The following TNIK variants were observed in gnomAD, a reference collection of about 807,000 sequenced individuals.
TNIK encodes TRAF2 and NCK-interacting protein kinase.
A neutral mutation model predicts 191.3 loss-of-function variants in TNIK; 49 were observed. The ratio of observed to expected loss-of-function variants is 0.26; its 90% CI spans 0.20 to 0.32. The LOEUF (loss-of-function observed/expected upper bound fraction) is 0.32. TNIK is among the 10% of genes least tolerant of loss of function. The pLI is 1.00. For synonymous variants in TNIK, 594 were observed against 600.9 expected (o/e 0.99, Z 0.17); for missense variants, 1,155 against 1,702.3 (o/e 0.68, Z 5.66).
At chr3:171,109,857 ATATT>A (rs1461711656) in intron 19 of TNIK, among the ~76,000 whole-genome samples, 1 of 152,182 alleles carries the variant, frequency 6.6e-6, no homozygotes, top group Non-Finnish European at 1.5e-5. Flanking sequence ...TTTGAATTAA[ATATT>A]TAGAGAGGCT....
chr3:171,113,954 G>A (rs115424747), intron 18 of TNIK, among the ~76,000 whole-genome samples: 2,673 of 145,528 alleles, frequency 0.018, 35 homozygotes, highest in Non-Finnish European at 0.029. Context: ...AGACATCTAA[G>A]CAGTGGTGCT....
At chr3:171,095,849 A>G (rs1431032141) in intron 22 of TNIK, among the ~76,000 whole-genome samples, 1 of 152,158 alleles carries the variant, frequency 6.6e-6, no homozygotes, top group East Asian at 1.9e-4. Flanking sequence ...CCAAAGAGGC[A>G]TTTTCATTTT....
intron 2 of TNIK, among the ~76,000 whole-genome samples, chr3:171,228,853 C>T (rs913000943): frequency 2.0e-5 from 3 of 152,132 alleles, no homozygotes; most frequent in Non-Finnish European, 2.9e-5. Context: ...GAGTAGGGAG[C>T]GCCAAGGGGG....
chr3:171,249,449 C>G (rs73171560), intron 2 of TNIK, among the ~76,000 whole-genome samples: 3,865 of 152,234 alleles, frequency 0.025, 83 homozygotes, highest in Middle Eastern at 0.037. Context: ...GACAGAGTGG[C>G]CTGCTGCCAA....
chr3:171,309,309 C>T (rs1007918631), intron 2 of TNIK, among the ~76,000 whole-genome samples: 1 of 152,032 alleles, frequency 6.6e-6, no homozygotes, highest in African/African-American at 2.4e-5. Context: ...AAAAGACAGC[C>T]AAATACTGTA....
At chr3:171,375,977 G>A (rs1230642382) in intron 1 of TNIK, among the ~76,000 whole-genome samples, 1 of 152,142 alleles carries the variant, frequency 6.6e-6, no homozygotes, top group African/African-American at 2.4e-5. Flanking sequence ...ACGGATGGCT[G>A]ATAGTGCTCC....
At chr3:171,248,106 T>C (rs536433188) in intron 2 of TNIK, among the ~76,000 whole-genome samples, 7 of 152,090 alleles carry the variant, frequency 4.6e-5, no homozygotes, top group East Asian at 1.9e-4. Flanking sequence ...AAGGTAAGAA[T>C]GTGGGAAGAA....
chr3:171,093,770 G>C, intron 23 of TNIK, 69 bp downstream of exon 23: 3 of 1,585,078 alleles, frequency 1.9e-6, no homozygotes, highest in Non-Finnish European at 2.6e-6. Flanking sequence ...GGCATTCTCT[G>C]TGAAAGCTTT....
intron 2 of TNIK, among the ~76,000 whole-genome samples, chr3:171,315,879 G>A (rs72622532): frequency 0.097 from 14,754 of 152,052 alleles, 1,003 homozygotes; most frequent in East Asian, 0.36. Context: ...CATCTGCAGA[G>A]ACCCTATTTC....
intron 1 of TNIK, among the ~76,000 whole-genome samples, chr3:171,428,392 C>T (rs1235287848): frequency 6.6e-6 from 1 of 152,144 alleles, no homozygotes; most frequent in Non-Finnish European, 1.5e-5. Context: ...AAAAATGGAG[C>T]AGCTCTGTAT....
chr3:171,173,390 C>A (rs1193806550), intron 9 of TNIK, among the ~76,000 whole-genome samples: 7 of 110,268 alleles, frequency 6.3e-5, no homozygotes, highest in Non-Finnish European at 1.3e-4. Context: ...AGCGAGACTC[C>A]GTCTCAAAAA....
intron 2 of TNIK, among the ~76,000 whole-genome samples, chr3:171,259,150 A>G (rs753069793): frequency 6.6e-6 from 1 of 152,180 alleles, no homozygotes; most frequent in East Asian, 1.9e-4. Flanking sequence ...GTGTGTGTGT[A>G]TATGGCACAT....
chr3:171,176,188 T>C (rs1020266067), intron 8 of TNIK, among the ~76,000 whole-genome samples: 1 of 152,178 alleles, frequency 6.6e-6, no homozygotes, highest in African/African-American at 2.4e-5. Flanking sequence ...AGAATGATAA[T>C]ATGGTTTAAG....
intron 2 of TNIK, among the ~76,000 whole-genome samples, chr3:171,271,297 A>G (rs1175602874): frequency 6.6e-6 from 1 of 152,266 alleles, no homozygotes; most frequent in Non-Finnish European, 1.5e-5. Context: ...CTTTTTAAAA[A>G]GAAAATAGTA....
intron 2 of TNIK, among the ~76,000 whole-genome samples, chr3:171,308,132 AAAGAAGCAAGC>A (rs1753654531): frequency 6.6e-6 from 1 of 152,180 alleles, no homozygotes; most frequent in Non-Finnish European, 1.5e-5. Flanking sequence ...ATCCTAGGAA[AAAGAAGCAAGC>A]AAGAAGCATC....
intron 9 of TNIK, among the ~76,000 whole-genome samples, chr3:171,174,618 T>C (rs1735746588): frequency 1.4e-5 from 1 of 72,728 alleles, no homozygotes; most frequent in Non-Finnish European, 2.3e-5. Context: ...CCTATCAACA[T>C]AATTTTTGCC....
chr3:171,261,594 G>C lies in TNIK; in HGVS notation c.124-33373C>G, dbSNP rs567388738. On this transcript the variant is annotated intron_variant, in intron 2 of 32. Coordinates refer to ENST00000436636, the MANE Select transcript of TNIK (RefSeq NM_015028.4). ...TGATAAAATCAAGGCAAACAGCCAT[G>C]TCATAATTCCGAGTGTAAAGAAATC... Among the ~76,000 whole-genome samples the C allele has an allele frequency of 1.3e-5, 2 of 152,308 alleles. 1 individual carries two copies. Among genetic ancestry groups the C allele is most frequent in the South Asian group, 4.1e-4 (2 of 4,822 alleles).
chr3:171,084,128 A>C, intron 26 of TNIK, 27 bp downstream of exon 26: 5 of 1,453,760 alleles, frequency 3.4e-6, no homozygotes, highest in Non-Finnish European at 4.5e-6. Context: ...TTATTTAAAA[A>C]AAAAAAAAAA....
intron 1 of TNIK, among the ~76,000 whole-genome samples, chr3:171,411,223 A>C (rs1722374265): frequency 6.6e-6 from 1 of 152,054 alleles, no homozygotes; most frequent in Admixed American, 6.6e-5. Flanking sequence ...ATATACCATC[A>C]TGCCTGGCTA....
Sources: allele counts gnomAD v4.1 joint callset (sites outside exome capture counted in the v4.1 genomes callset), GRCh38; gene constraint gnomAD v4.1.1; transcripts MANE v1.5; gene names NCBI Gene and HGNC (gene_info 2026-07-23, HGNC 2026-07-21).